The following FCHO2 variants were observed in gnomAD, a reference collection of about 807,000 sequenced individuals.
FCHO2 encodes the protein F-BAR domain only protein 2.
FCHO2 carries 43 observed loss-of-function variants against 114.1 expected under a neutral mutation model. That is an observed-to-expected ratio of 0.38 (90% CI 0.30 to 0.49). The LOEUF is 0.49. Among genes scored for constraint, FCHO2 ranks in the 20% least tolerant of loss-of-function variants. The pLI, the probability that FCHO2 is intolerant of heterozygous loss-of-function variation, is 0.97. For synonymous variants in FCHO2, 293 were observed against 315.2 expected (o/e 0.93, Z 0.75); for missense variants, 807 against 950.4 (o/e 0.85, Z 1.98).
chr5:73,005,851 G>A (rs879486544), intron 5 of FCHO2, among the ~76,000 whole-genome samples: 8 of 151,774 alleles, frequency 5.3e-5, no homozygotes, highest in Non-Finnish European at 1.0e-4. Flanking sequence ...TAACAGTTTC[G>A]TTTTTTAAGT....
intron 8 of FCHO2, among the ~76,000 whole-genome samples, chr5:73,027,821 C>A (rs1391803907): frequency 6.6e-6 from 1 of 151,752 alleles, no homozygotes; most frequent in African/African-American, 2.4e-5. Context: ...GAAAAGATAC[C>A]CCATTCGTAA....
chr5:72,957,390 CT>C (rs1188981496), intron 1 of FCHO2, among the ~76,000 whole-genome samples: 2 of 152,182 alleles, frequency 1.3e-5, no homozygotes, highest in Non-Finnish European at 2.9e-5. Flanking sequence ...CATTTTCCCC[CT>C]GCCCCAGGCC....
chr5:72,993,037 T>C (rs930673146), intron 5 of FCHO2, among the ~76,000 whole-genome samples: 1 of 151,150 alleles, frequency 6.6e-6, no homozygotes, highest in East Asian at 1.9e-4. Context: ...AATCTAATAC[T>C]AGAACAACCA....
intron 17 of FCHO2, among the ~76,000 whole-genome samples, chr5:73,059,964 G>A (rs1263154582): frequency 1.3e-5 from 2 of 151,910 alleles, no homozygotes; most frequent in East Asian, 3.9e-4. Flanking sequence ...ATCCCCTTAT[G>A]AATTATTAAA....
At chr5:73,067,043 A>G (rs1442915131) in intron 18 of FCHO2, among the ~76,000 whole-genome samples, 2 of 152,070 alleles carry the variant, frequency 1.3e-5, no homozygotes, top group Non-Finnish European at 2.9e-5. Flanking sequence ...ATGAAAATTA[A>G]TGAGATTTTA....
At chr5:72,991,063 A>G (rs1753783883) in intron 5 of FCHO2, among the ~76,000 whole-genome samples, 199 bp downstream of exon 5, 2 of 152,144 alleles carry the variant, frequency 1.3e-5, no homozygotes, top group Non-Finnish European at 2.9e-5. Flanking sequence ...AGCGAGCACT[A>G]AAAAACAATG....
At chr5:72,972,684 G>A (rs62360741) in intron 2 of FCHO2, among the ~76,000 whole-genome samples, 45,053 of 151,774 alleles carry the variant, frequency 0.3, 6,912 homozygotes, top group East Asian at 0.44. Flanking sequence ...CTAGTTGAAT[G>A]CCCTTTATTT....
At chr5:73,002,094 A>C (rs1364239528) in intron 5 of FCHO2, among the ~76,000 whole-genome samples, 2 of 152,206 alleles carry the variant, frequency 1.3e-5, no homozygotes, top group Non-Finnish European at 2.9e-5. Flanking sequence ...AGATAAAGAT[A>C]ATAGTTTTAT....
chr5:72,969,533 G>A (rs894888848), intron 2 of FCHO2, among the ~76,000 whole-genome samples: 2 of 152,052 alleles, frequency 1.3e-5, no homozygotes, highest in Non-Finnish European at 2.9e-5. Flanking sequence ...AGGAAAGGCC[G>A]CAGAACTCTG....
chr5:73,081,922 A>T lies in FCHO2; in HGVS notation c.2120A>T (p.Gln707Leu). The T allele has an allele frequency of 6.2e-7, 1 of 1,610,360 alleles. No homozygotes were observed. The highest frequency in any genetic ancestry group is 8.5e-7 in the Non-Finnish European group (1 of 1,177,954). Residue 707 changes from glutamine (Q) to leucine (L), a missense_variant, in exon 23 of 26, where the codon CAG (glutamine) becomes CTG (leucine). Gln to Leu is a moderately radical substitution (Grantham distance 113, BLOSUM62 -2). Coordinates refer to ENST00000430046, the MANE Select transcript of FCHO2 (RefSeq NM_138782.3). ...GCACCTAGTGTGCTTTCCAACATAC[A>T]GGTGGTGGTACCAGTGGATGGAGGA... ...MVAPSVLSNI[Q>L]VVVPVDGGVT...
At chr5:72,989,530 GTTTA>G (rs761987775) in intron 3 of FCHO2, 29 bp downstream of exon 3, 11 of 1,556,706 alleles carry the variant, frequency 7.1e-6, no homozygotes, top group Admixed American at 3.7e-5. Flanking sequence ...CTTTTTCAGT[GTTTA>G]TTTAGGCAAA....
At chr5:73,077,294 A>G in intron 20 of FCHO2, 44 bp from the exon 21 acceptor site, 1 of 1,523,676 alleles carries the variant, frequency 6.6e-7, no homozygotes, top group Non-Finnish European at 8.8e-7. Context: ...TTAAATAGAG[A>G]TTAGAGCATT....
At chr5:73,072,783 C>T (rs552406158) in intron 19 of FCHO2, among the ~76,000 whole-genome samples, 8 of 151,952 alleles carry the variant, frequency 5.3e-5, no homozygotes, top group African/African-American at 1.4e-4. Flanking sequence ...TTTTATAAGA[C>T]GAACAGAGTT....
At chr5:73,049,123 G>T (rs547083544) in intron 11 of FCHO2, among the ~76,000 whole-genome samples, 4 of 151,836 alleles carry the variant, frequency 2.6e-5, no homozygotes, top group African/African-American at 9.7e-5. Context: ...TGATCCGCCC[G>T]CCTCGGCCTC....
intron 6 of FCHO2, among the ~76,000 whole-genome samples, chr5:73,009,704 T>G (rs1057038840): frequency 1.3e-5 from 2 of 152,160 alleles, no homozygotes; most frequent in Non-Finnish European, 2.9e-5. Context: ...GTCCAGCTAA[T>G]TTTTGTATTT....
chr5:72,997,618 C>G (rs535001482), intron 5 of FCHO2: 1 of 1,427,398 alleles, frequency 7.0e-7, no homozygotes, highest in South Asian at 1.1e-5. Flanking sequence ...TGCTGAGCCG[C>G]AACCTTCACC....
At chr5:72,988,306 C>T (rs898987562) in intron 2 of FCHO2, among the ~76,000 whole-genome samples, 9 of 151,850 alleles carry the variant, frequency 5.9e-5, no homozygotes, top group East Asian at 1.9e-4. Flanking sequence ...GGTGTGGTGG[C>T]GGGTGCCTGT....
intron 20 of FCHO2, among the ~76,000 whole-genome samples, chr5:73,076,346 A>G (rs1157858200): frequency 6.6e-6 from 1 of 152,142 alleles, no homozygotes; most frequent in Non-Finnish European, 1.5e-5. Flanking sequence ...TTATTTCAGG[A>G]TGTTTTGGTC....
At chr5:73,011,410 ATTTTC>A (rs1404119316) in intron 6 of FCHO2, among the ~76,000 whole-genome samples, 1 of 152,062 alleles carries the variant, frequency 6.6e-6, no homozygotes, top group Non-Finnish European at 1.5e-5. Flanking sequence ...GTACAATAGT[ATTTTC>A]TTTATATCCT....
Sources: gnomAD v4.1 joint callset for allele counts (sites outside exome capture counted in the v4.1 genomes callset) on GRCh38, gnomAD v4.1.1 for gene constraint, MANE v1.5 for transcripts, NCBI Gene and HGNC (gene_info 2026-07-23, HGNC 2026-07-21) for gene names.